The following SLIT3 variants were observed in gnomAD, a reference collection of about 807,000 sequenced individuals.
SLIT3 encodes slit homolog 3 protein.
SLIT3 carries 68 observed loss-of-function variants against 184.0 expected under a neutral mutation model. That is an observed-to-expected ratio of 0.37 (90% CI 0.30 to 0.45). The LOEUF (loss-of-function observed/expected upper bound fraction) is 0.45. SLIT3 is among the 20% of genes least tolerant of loss of function. The pLI, the probability that SLIT3 is intolerant of heterozygous loss-of-function variation, is 1.00. For missense variants in SLIT3, 1,707 were observed against 2,026.0 expected (o/e 0.84, Z 3.02); for synonymous variants, 831 against 828.6 (o/e 1.00, Z -0.05).
chr5:169,083,841 G>C (rs1759171143), intron 4 of SLIT3, among the ~76,000 whole-genome samples: 1 of 152,304 alleles, frequency 6.6e-6, no homozygotes, highest in East Asian at 1.9e-4. Context: ...GGCAATTAAA[G>C]AGGAAGCGCT....
intron 4 of SLIT3, among the ~76,000 whole-genome samples, chr5:169,187,900 TC>T (rs1561724530): frequency 6.6e-6 from 1 of 150,982 alleles, no homozygotes; most frequent in East Asian, 1.9e-4. Flanking sequence ...AACCCATGTG[TC>T]CCTCACCACT....
intron 27 of SLIT3, among the ~76,000 whole-genome samples, chr5:168,699,715 C>T (rs1446584017): frequency 6.6e-6 from 1 of 152,232 alleles, no homozygotes; most frequent in African/African-American, 2.4e-5. Context: ...AAGTCCATTT[C>T]TGTGTCTCAG....
chr5:168,880,099 C>T (rs1004223493), intron 5 of SLIT3, among the ~76,000 whole-genome samples: 3 of 152,192 alleles, frequency 2.0e-5, no homozygotes, highest in Admixed American at 6.5e-5. Flanking sequence ...CTTACTTTGG[C>T]CTCTTTCTCC....
intron 3 of SLIT3, among the ~76,000 whole-genome samples, chr5:169,205,737 G>A (rs1764047201): frequency 6.6e-6 from 1 of 152,348 alleles, no homozygotes; most frequent in Admixed American, 6.5e-5. Flanking sequence ...TGCTGCCCAA[G>A]CCCCCTGTGC....
intron 7 of SLIT3, among the ~76,000 whole-genome samples, chr5:168,819,484 G>A (rs1165315047): frequency 3.3e-5 from 5 of 152,178 alleles, no homozygotes; most frequent in Admixed American, 6.5e-5. Flanking sequence ...TTTAATGAGC[G>A]TTTGGCTTTT....
intron 11 of SLIT3, 39 bp downstream of exon 11, chr5:168,789,521 C>T (rs7729394): frequency 4.5e-6 from 7 of 1,541,332 alleles, no homozygotes; most frequent in African/African-American, 1.4e-5. Flanking sequence ...CAGCGCCCCC[C>T]CTCCCCTCAC....
intron 4 of SLIT3, among the ~76,000 whole-genome samples, chr5:169,116,501 G>A (rs573248201): frequency 3.3e-5 from 5 of 152,238 alleles, no homozygotes; most frequent in Admixed American, 6.5e-5. Context: ...ATGAATTTGA[G>A]GACAGAAAAC....
intron 35 of SLIT3, among the ~76,000 whole-genome samples, chr5:168,667,304 G>T (rs564067212): frequency 6.6e-6 from 1 of 152,266 alleles, no homozygotes; most frequent in African/African-American, 2.4e-5. Flanking sequence ...AAGAAACTGA[G>T]GTAGATGCTA....
intron 10 of SLIT3, chr5:168,791,327 T>C (rs1756359435): frequency 6.6e-6 from 1 of 152,250 alleles, no homozygotes. Flanking sequence ...AAACTGGTTT[T>C]CAGTCCACAA....
intron 4 of SLIT3, among the ~76,000 whole-genome samples, chr5:168,953,757 A>G (rs568249266): frequency 5.7e-4 from 87 of 152,312 alleles, no homozygotes; most frequent in African/African-American, 2.0e-3. Context: ...CTGAAAGCAT[A>G]TTCTCACCCA....
chr5:168,824,338 C>A (rs1303812614), intron 6 of SLIT3, among the ~76,000 whole-genome samples: 41 of 152,190 alleles, frequency 2.7e-4, no homozygotes, highest in Non-Finnish European at 1.0e-4. Context: ...TGCCTGTTAG[C>A]TCTGACAGGT....
chr5:168,736,819 C>T (rs1189013748), intron 20 of SLIT3, among the ~76,000 whole-genome samples: 1 of 152,206 alleles, frequency 6.6e-6, no homozygotes, highest in Admixed American at 6.5e-5. Context: ...TGGGTTTCTG[C>T]CACAGGGAGG....
intron 26 of SLIT3, among the ~76,000 whole-genome samples, chr5:168,705,526 A>G (rs1481179907): frequency 6.6e-6 from 1 of 152,052 alleles, no homozygotes; most frequent in Non-Finnish European, 1.5e-5. Flanking sequence ...CATCACCGAT[A>G]CCATCACCAT....
At chr5:169,059,847 A>G (rs187215638) in intron 4 of SLIT3, among the ~76,000 whole-genome samples, 20 of 152,342 alleles carry the variant, frequency 1.3e-4, no homozygotes, top group Admixed American at 9.1e-4. Flanking sequence ...TCAAATTCAT[A>G]TATTGAAATT....
At position 168,684,032 on chromosome 5, in the gene SLIT3, T is replaced by C; in HGVS notation, c.3620A>G (p.Glu1207Gly). 6.2e-7 allele frequency: 1 copy of C among 1,607,556 alleles called. No homozygotes were observed. Among genetic ancestry groups the C allele is most frequent in the South Asian group, 1.1e-5 (1 of 90,010 alleles). ...CAGCCGCACGTGGCCCTGGTACAGCTCCAGTGCCAGGGGGTCATTGTCTCC... is the reference window on the plus strand; with the variant it reads ...CAGCCGCACGTGGCCCTGGTACAGCCCCAGTGCCAGGGGGTCATTGTCTCC... ...YKGDNDPLAL[E>G]LYQGHVRLVY... Residue 1207 changes from glutamate to glycine, a missense_variant, in exon 32 of 36, where the codon GAG becomes GGG. Transcript: ENST00000519560.
intron 4 of SLIT3, among the ~76,000 whole-genome samples, chr5:168,908,622 T>G (rs1405452331): frequency 6.6e-6 from 1 of 152,110 alleles, no homozygotes; most frequent in Non-Finnish European, 1.5e-5. Context: ...ACAAGGGACT[T>G]TGGAACACCT....
Position 169,141,779 on chromosome 5 carries a change from C to T in SLIT3, c.413+51700G>A, listed in dbSNP as rs568478323. Among the ~76,000 whole-genome samples, 57 of 139,156 alleles carry T rather than the reference C, an allele frequency of 4.1e-4. No individual in the cohort carries two copies. The South Asian group carries it at 5.8e-3, about 14-fold the overall frequency. 91.3% of individuals were successfully genotyped at this position (139,156 alleles called of 152,430 possible). A position where few individuals can be genotyped will look rare whatever the true frequency, so the allele number is the denominator to read the frequency against. ...AAAAAGTTAACATCTCAGCCCAGAG[C>T]GGTGGCTCATGCCTGTAATCCCAGC... On this transcript the variant is annotated intron_variant, in intron 4 of 35. Coordinates refer to ENST00000519560, the MANE Select transcript of SLIT3 (RefSeq NM_003062.4).
At chr5:169,143,891 G>A (rs2161115) in intron 4 of SLIT3, among the ~76,000 whole-genome samples, 26,970 of 152,192 alleles carry the variant, frequency 0.18, 2,656 homozygotes, top group Middle Eastern at 0.34. Flanking sequence ...CACTCACAAT[G>A]GGCAGAGTCA....
intron 4 of SLIT3, among the ~76,000 whole-genome samples, chr5:169,138,517 G>A (rs948732262): frequency 6.6e-6 from 1 of 151,912 alleles, no homozygotes; most frequent in Non-Finnish European, 1.5e-5. Flanking sequence ...AAGAATCCCT[G>A]GTTCAGGTTC....
Sources: allele counts gnomAD v4.1 joint callset (sites outside exome capture counted in the v4.1 genomes callset), GRCh38; gene constraint gnomAD v4.1.1; transcripts MANE v1.5; gene names NCBI Gene and HGNC (gene_info 2026-07-23, HGNC 2026-07-21).